AP4S1: variants seen among roughly 807,000 people sequenced by gnomAD.
AP4S1 encodes the protein adaptor related protein complex 4 subunit sigma 1.
In AP4S1, 23 loss-of-function variants were observed where a neutral mutation model predicts 19.8. The ratio of observed to expected loss-of-function variants is 1.16; its 90% CI spans 0.84 to 1.65. AP4S1 has a LOEUF of 1.65. Ranked by LOEUF, AP4S1 falls within the 40% of genes most tolerant of loss-of-function variation. AP4S1 has a pLI of 0.00. For synonymous variants in AP4S1, 46 were observed against 54.1 expected, an observed-to-expected ratio of 0.85 and a Z score of 0.66; for missense variants, 166 against 172.8, an observed-to-expected ratio of 0.96 and a Z score of 0.22.
chr14:31,071,677 C>T lies in AP4S1; in HGVS notation c.226-1228C>T, dbSNP rs1428600929. On this transcript the variant is annotated intron_variant, in intron 3 of 5. Coordinates refer to ENST00000542754, the MANE Select transcript of AP4S1 (RefSeq NM_001128126.3). ...TCATGATCCACCTCCCTCAGCCTCC[C>T]AAAGTGCTGGGATTACAGGCGTGAG... Among the ~76,000 whole-genome samples, 4 of 152,040 alleles carry T rather than the reference C, an allele frequency of 2.6e-5. No individual in the cohort carries two copies. In the East Asian group the frequency reaches 7.7e-4, roughly 29 times the overall value.
At chr14:31,067,076 T>C (rs1162573307) in intron 2 of AP4S1, among the ~76,000 whole-genome samples, 1 of 152,008 alleles carries the variant, frequency 6.6e-6, no homozygotes, top group Non-Finnish European at 1.5e-5. Flanking sequence ...CTGGGCGTAA[T>C]TGTGCACAAC....
chr14:31,062,356 C>G (rs901796665), intron 1 of AP4S1, among the ~76,000 whole-genome samples: 4 of 152,024 alleles, frequency 2.6e-5, no homozygotes, highest in Admixed American at 2.6e-4. Context: ...TCCTCGGCCT[C>G]CCAAAGCACT....
At chr14:31,057,086 A>T (rs952495485) in intron 1 of AP4S1, among the ~76,000 whole-genome samples, 1 of 151,880 alleles carries the variant, frequency 6.6e-6, no homozygotes, top group African/African-American at 2.4e-5. Context: ...AAAACAGAAC[A>T]AAAAAAAGCT....
chr14:31,074,726 C>G (rs971897326), intron 4 of AP4S1, among the ~76,000 whole-genome samples: 2 of 152,046 alleles, frequency 1.3e-5, no homozygotes, highest in African/African-American at 4.8e-5. Flanking sequence ...TGGAGGCAAG[C>G]ATCTCTAGTG....
At chr14:31,039,971 A>G (rs1270675557) in intron 1 of AP4S1, among the ~76,000 whole-genome samples, 1 of 152,156 alleles carries the variant, frequency 6.6e-6, no homozygotes, top group African/African-American at 2.4e-5. Flanking sequence ...CCCAGGTAAT[A>G]TGAACATTAG....
intron 5 of AP4S1, among the ~76,000 whole-genome samples, chr14:31,082,692 C>T (rs906181433): frequency 1.3e-5 from 2 of 151,620 alleles, no homozygotes; most frequent in Non-Finnish European, 2.9e-5. Flanking sequence ...GTCAGGAGAT[C>T]GAGACCATCC....
At chr14:31,092,798 C>T in intron 5 of AP4S1, 109 bp from the exon 6 acceptor site, 1 of 783,146 alleles carries the variant, frequency 1.3e-6, no homozygotes, top group Non-Finnish European at 1.9e-6. Context: ...GTACAAAAAA[C>T]CTCATGCTTA....
At chr14:31,083,736 C>G (rs925617292) in intron 5 of AP4S1, 2 of 342,032 alleles carry the variant, frequency 5.8e-6, no homozygotes. Flanking sequence ...TCTCAAACTT[C>G]TGGGCTCAAG....
chr14:31,073,375 A>G (rs1439183934), intron 4 of AP4S1, among the ~76,000 whole-genome samples: 2 of 133,440 alleles, frequency 1.5e-5, no homozygotes, highest in Non-Finnish European at 3.3e-5. Flanking sequence ...CTGTAGTCCC[A>G]GCTACTCCGG....
chr14:31,045,387 C>A (rs1026936810), intron 1 of AP4S1, among the ~76,000 whole-genome samples: 2 of 152,132 alleles, frequency 1.3e-5, no homozygotes, highest in African/African-American at 4.8e-5. Flanking sequence ...GTAATTGAAT[C>A]ATGGGGGCAG....
intron 1 of AP4S1, among the ~76,000 whole-genome samples, chr14:31,063,553 A>C (rs1886554980): frequency 6.6e-6 from 1 of 152,178 alleles, no homozygotes; most frequent in South Asian, 2.1e-4. Flanking sequence ...CTAGGAGTTC[A>C]AGGCTATAGT....
intron 1 of AP4S1, among the ~76,000 whole-genome samples, chr14:31,044,045 A>G (rs1003599222): frequency 2.0e-5 from 3 of 152,222 alleles, no homozygotes; most frequent in Non-Finnish European, 4.4e-5. Context: ...TTTTACAGCT[A>G]GATAACTTTG....
At chr14:31,077,271 A>G (rs1455627039) in intron 4 of AP4S1, among the ~76,000 whole-genome samples, 1 of 152,006 alleles carries the variant, frequency 6.6e-6, no homozygotes, top group Non-Finnish European at 1.5e-5. Flanking sequence ...GTTTTTTTTC[A>G]TTTCGCATTT....
chr14:31,076,910 G>A (rs539819955), intron 4 of AP4S1, among the ~76,000 whole-genome samples: 1 of 152,246 alleles, frequency 6.6e-6, no homozygotes, highest in East Asian at 1.9e-4. Context: ...TTGAGAAGTA[G>A]CAGCGGCACA....
At chr14:31,047,839 C>T (rs1885509404) in intron 1 of AP4S1, among the ~76,000 whole-genome samples, 1 of 152,092 alleles carries the variant, frequency 6.6e-6, no homozygotes. Context: ...ATGTGACTGC[C>T]ACACCCGGTT....
intron 1 of AP4S1, among the ~76,000 whole-genome samples, chr14:31,027,845 TAAC>T (rs1238555488): frequency 2.0e-5 from 3 of 152,092 alleles, no homozygotes; most frequent in South Asian, 2.1e-4. Context: ...CAAAAATAAT[TAAC>T]AACATAAGGA....
In AP4S1 at chr14:31,053,665, G is replaced by T. The variant is rs776993665; in HGVS notation, c.-71-12461G>T. On this transcript the variant is annotated intron_variant, in intron 1 of 5. Transcript: ENST00000542754. ...TGCCCAGGCTGGTCTTAAACTTCTG[G>T]CCTCAAGTGATCATCCTGCCTCAAC... Among the ~76,000 whole-genome samples, 17 of 121,526 alleles carry T rather than the reference G, an allele frequency of 1.4e-4. 1 individual carries two copies. The Middle Eastern group carries it at 0.025, about 179-fold the overall frequency. The allele number at this position is 121,526 out of a possible 152,430, so 79.7% of individuals were successfully genotyped here.
chr14:31,085,535 G>A (rs1410490536), intron 5 of AP4S1: 1 of 983,898 alleles, frequency 1.0e-6, no homozygotes, highest in Non-Finnish European at 1.2e-6. Context: ...GCACTTTGGA[G>A]GGCTGAAGCA....
At position 31,079,591 on chromosome 14, in the gene AP4S1, G is replaced by A. The variant is rs911945467; in HGVS notation, c.295-982G>A. ...TGTAATCCCAGCACTTAGGGAGGCT[G>A]AGGCAGGTGGATTGCTTGAGCTCAG... is the stretch of plus-strand genomic sequence containing the variant. On this transcript the variant is annotated intron_variant, in intron 4 of 5. Coordinates refer to ENST00000542754, the MANE Select transcript of AP4S1 (RefSeq NM_001128126.3). Among the ~76,000 whole-genome samples the A allele has an allele frequency of 2.0e-5, 3 of 152,134 alleles. No homozygotes were observed. In the East Asian group the frequency reaches 5.8e-4, roughly 29 times the overall value.
Sources: gnomAD v4.1 joint callset for allele counts (sites outside exome capture counted in the v4.1 genomes callset) on GRCh38, gnomAD v4.1.1 for gene constraint, MANE v1.5 for transcripts, NCBI Gene and HGNC (gene_info 2026-07-23, HGNC 2026-07-21) for gene names.